The following MDGA2 variants were observed in gnomAD, a reference collection of about 807,000 sequenced individuals.
MDGA2 encodes the protein MAM domain-containing glycosylphosphatidylinositol anchor protein 2.
A neutral mutation model predicts 117.8 loss-of-function variants in MDGA2; 40 were observed. The observed-to-expected ratio is 0.34, with a 90% CI of 0.26 to 0.44. The LOEUF (loss-of-function observed/expected upper bound fraction) is 0.44. Ranked by LOEUF, MDGA2 falls within the 20% of genes least tolerant of loss-of-function variation. MDGA2 has a pLI of 1.00. For synonymous variants in MDGA2, 452 were observed against 439.0 expected, an observed-to-expected ratio of 1.03 and a Z score of -0.37; for missense variants, 1,123 against 1,250.6, an observed-to-expected ratio of 0.90 and a Z score of 1.54.
intron 5 of MDGA2, among the ~76,000 whole-genome samples, chr14:47,127,314 G>A (rs538909712): frequency 3.3e-5 from 5 of 152,098 alleles, no homozygotes; most frequent in South Asian, 2.1e-4. Flanking sequence ...GAAATATCTC[G>A]CATGCAATTA....
intron 8 of MDGA2, among the ~76,000 whole-genome samples, chr14:46,968,055 A>G (rs1886106652): frequency 6.6e-6 from 1 of 152,186 alleles, no homozygotes; most frequent in African/African-American, 2.4e-5. Flanking sequence ...AGACTAACAC[A>G]GAAAGCTGCC....
chr14:47,580,450 T>C (rs942308883), intron 1 of MDGA2, among the ~76,000 whole-genome samples: 1 of 152,030 alleles, frequency 6.6e-6, no homozygotes, highest in Non-Finnish European at 1.5e-5. Context: ...GGTTTCAACA[T>C]ATCAATTTTG....
chr14:47,488,313 T>A (rs1260633742), intron 1 of MDGA2, among the ~76,000 whole-genome samples: 2 of 152,100 alleles, frequency 1.3e-5, no homozygotes, highest in Non-Finnish European at 2.9e-5. Context: ...GCAAGAGACA[T>A]AAGCTGACTA....
chr14:47,654,064 A>T (rs1380259429), intron 1 of MDGA2, among the ~76,000 whole-genome samples: 1 of 152,294 alleles, frequency 6.6e-6, no homozygotes, highest in South Asian at 2.1e-4. Flanking sequence ...TAACACAACC[A>T]TCAATTTAAG....
chr14:46,849,062 G>A (rs904506206), intron 15 of MDGA2, among the ~76,000 whole-genome samples: 3 of 151,932 alleles, frequency 2.0e-5, no homozygotes, highest in African/African-American at 7.2e-5. Flanking sequence ...TTTAAGCATA[G>A]CAGGAATTTT....
At position 46,969,069 on chromosome 14, in the gene MDGA2, G is replaced by A. The variant is rs758786806; in HGVS notation, c.1820-11426C>T. The stretch of plus-strand genomic sequence containing the variant: ...CCAGTTTCATCCATGTCCCTACAAA[G>A]GACATGAACTCATTATTTTTTATGG... On this transcript the variant is annotated intron_variant, in intron 8 of 16. Transcript: ENST00000399232. Among the ~76,000 whole-genome samples, 75 of 152,128 alleles carry A rather than the reference G, an allele frequency of 4.9e-4. 1 individual carries two copies. The highest frequency in any genetic ancestry group is 7.3e-4 in the Non-Finnish European group (50 of 68,028).
rs549404882 is a variant in MDGA2 at position 47,483,219 on chromosome 14, A to G, written c.281-181669T>C. Among the ~76,000 whole-genome samples the G allele has an allele frequency of 5.2e-4, 79 of 152,198 alleles. No individual in the cohort carries two copies. The South Asian group carries it at 7.7e-3, about 15-fold the overall frequency. On this transcript the variant is annotated intron_variant, in intron 1 of 16. Coordinates refer to ENST00000399232, the MANE Select transcript of MDGA2 (RefSeq NM_001113498.3). ...TTAATATCTATTGTTTAAAATTGGT[A>G]ACTTGTACTTACTGCTATTCTACAT...
chr14:47,027,560 T>A (rs1282978104), intron 8 of MDGA2, among the ~76,000 whole-genome samples: 1 of 151,690 alleles, frequency 6.6e-6, no homozygotes, highest in East Asian at 1.9e-4. Context: ...ATGAGCCACA[T>A]ACTTGATAAA....
At chr14:47,119,169 G>GCCGCC (rs1881501331) in intron 5 of MDGA2, among the ~76,000 whole-genome samples, 8 of 19,400 alleles carry the variant, frequency 4.1e-4, no homozygotes, top group Non-Finnish European at 9.4e-4. Flanking sequence ...TCCTGCCTCA[G>GCCGCC]CCCCGCCCCC....
intron 5 of MDGA2, among the ~76,000 whole-genome samples, chr14:47,098,293 A>T (rs866688558): frequency 1.5e-4 from 22 of 150,878 alleles, no homozygotes; most frequent in Middle Eastern, 6.9e-3. Flanking sequence ...AGAAAAGGCA[A>T]GAAAATAATT....
At position 47,295,931 on chromosome 14, in the gene MDGA2, AAGATAGATAGATAGAT is replaced by A. The variant is rs34675658; in HGVS notation, c.420+5464_420+5479del. 2.1e-3 allele frequency among the ~76,000 whole-genome samples: 282 copies of A among 132,538 alleles called. 1 individual carries two copies. The highest frequency in any genetic ancestry group is 3.7e-3 in the Middle Eastern group (1 of 270). 87.0% of individuals were successfully genotyped at this position (132,538 alleles called of 152,430 possible). On this transcript the variant is annotated intron_variant, in intron 2 of 16. Coordinates refer to ENST00000399232, the MANE Select transcript of MDGA2 (RefSeq NM_001113498.3). ...AAATATACATATATAGATAGATGAT[AAGATAGATAGATAGAT>A]AGATAGATAGATAGATAGATAGATA... is the stretch of plus-strand genomic sequence containing the variant.
At chr14:46,919,012 T>A (rs1352389665) in intron 10 of MDGA2, among the ~76,000 whole-genome samples, 1 of 152,132 alleles carries the variant, frequency 6.6e-6, no homozygotes, top group African/African-American at 2.4e-5. Flanking sequence ...TTCGCCCGCC[T>A]CGGCCTCCTA....
chr14:47,173,344 T>C (rs1884269556), intron 3 of MDGA2, among the ~76,000 whole-genome samples: 1 of 152,022 alleles, frequency 6.6e-6, no homozygotes, highest in African/African-American at 2.4e-5. Flanking sequence ...AGACACATAA[T>C]TGTCAGATTC....
intron 1 of MDGA2, among the ~76,000 whole-genome samples, chr14:47,538,309 AT>A (rs886189268): frequency 9.9e-5 from 15 of 151,572 alleles, no homozygotes; most frequent in East Asian, 1.9e-4. Context: ...TTTGTGAATT[AT>A]TTTTTTTTCT....
At chr14:46,889,914 T>A (rs1194945627) in intron 10 of MDGA2, among the ~76,000 whole-genome samples, 1 of 152,090 alleles carries the variant, frequency 6.6e-6, no homozygotes, top group Admixed American at 6.6e-5. Context: ...TGGTGGGTTG[T>A]AGATGCCTTT....
chr14:47,043,806 T>C (rs563628096), intron 7 of MDGA2, among the ~76,000 whole-genome samples: 20 of 152,218 alleles, frequency 1.3e-4, no homozygotes, highest in African/African-American at 4.8e-4. Context: ...CTTCCTTCCT[T>C]TCTTCTCTTC....
intron 7 of MDGA2, among the ~76,000 whole-genome samples, chr14:47,044,562 T>C (rs1451104476): frequency 6.6e-6 from 1 of 152,164 alleles, no homozygotes; most frequent in Non-Finnish European, 1.5e-5. Context: ...CACCAGATAG[T>C]ATGCCTACCG....
At chr14:47,244,399 A>G (rs1887170570) in intron 2 of MDGA2, among the ~76,000 whole-genome samples, 1 of 151,764 alleles carries the variant, frequency 6.6e-6, no homozygotes, top group African/African-American at 2.4e-5. Context: ...TTATTTATAT[A>G]TCTGTCTTTT....
chr14:47,665,887 G>T lies in MDGA2; in HGVS notation c.280+8630C>A, dbSNP rs562501112. ...CGTTGCCTCAGCCTCCCTGAGGAGC[G>T]CGGCCCCCTGCTCCATGGTGCCCAG... On this transcript the variant is annotated intron_variant, in intron 1 of 16. Coordinates refer to ENST00000399232, the MANE Select transcript of MDGA2 (RefSeq NM_001113498.3). Among the ~76,000 whole-genome samples, 3 of 140,796 alleles carry T rather than the reference G, an allele frequency of 2.1e-5. No homozygotes were observed. The East Asian group carries it at 6.4e-4, about 30-fold the overall frequency. 92.4% of individuals were successfully genotyped at this position (140,796 alleles called of 152,430 possible).
Sources: allele counts gnomAD v4.1 joint callset (sites outside exome capture counted in the v4.1 genomes callset), GRCh38; gene constraint gnomAD v4.1.1; transcripts MANE v1.5; gene names NCBI Gene and HGNC (gene_info 2026-07-23, HGNC 2026-07-21).